CNGA1: variants seen among roughly 807,000 people sequenced by gnomAD.
CNGA1 encodes cyclic nucleotide gated channel subunit alpha 1.
In CNGA1, 53 loss-of-function variants were observed where a neutral mutation model predicts 69.7. That is an observed-to-expected ratio of 0.76 (90% CI 0.61 to 0.96). CNGA1 has a LOEUF of 0.96. Among genes scored for constraint, CNGA1 ranks in the 40% least tolerant of loss-of-function variants. The pLI is 0.00. For synonymous variants in CNGA1, 249 were observed against 283.5 expected, an observed-to-expected ratio of 0.88 and a Z score of 1.22; for missense variants, 739 against 811.2, an observed-to-expected ratio of 0.91 and a Z score of 1.08.
At chr4:47,969,820 C>T (rs1343703245) in intron 3 of CNGA1, among the ~76,000 whole-genome samples, 4 of 152,092 alleles carry the variant, frequency 2.6e-5, no homozygotes, top group African/African-American at 9.7e-5. Flanking sequence ...CTACCATCTT[C>T]CATCATTCCT....
At position 47,980,781 on chromosome 4, in the gene CNGA1, G is replaced by GT. The variant is rs200080616; in HGVS notation, c.-15+611dup. ...GAGCTACCAGGCCCAGCCAATAACT[G>GT]TTTTTTCTGATTAAAATATACACGC... On this transcript the variant is annotated intron_variant, in intron 3 of 10. Coordinates refer to ENST00000514170, the MANE Select transcript of CNGA1 (RefSeq NM_001379270.1). 8.9e-3 allele frequency among the ~76,000 whole-genome samples: 1,343 copies of GT among 151,718 alleles called. 13 individuals are homozygous for GT. The highest frequency in any genetic ancestry group is 0.014 in the Non-Finnish European group (928 of 67,876).
chr4:47,963,222 A>C (rs550915641), intron 3 of CNGA1, among the ~76,000 whole-genome samples: 1 of 152,250 alleles, frequency 6.6e-6, no homozygotes, highest in Non-Finnish European at 1.5e-5. Context: ...AAGTGTTGGA[A>C]TTACAGGCGT....
At position 47,936,214 on chromosome 4, in the gene CNGA1, G is replaced by A. The variant is rs1738628937; in HGVS notation, c.*207C>T. 2 of 606,106 alleles carry A rather than the reference G, an allele frequency of 3.3e-6. No individual in the cohort carries two copies. Among genetic ancestry groups the A allele is most frequent in the African/African-American group, 1.9e-5 (1 of 53,904 alleles). 37.5% of individuals were successfully genotyped at this position (606,106 alleles called of 1,614,324 possible). On this transcript the variant is annotated 3_prime_UTR_variant, in exon 11 of 11. Coordinates refer to ENST00000514170, the MANE Select transcript of CNGA1 (RefSeq NM_001379270.1). Reference sequence around the variant, plus strand: ...CAGTTTATATCTTTGCACATTATCAGTTGTGAAAAATCCCAAGATATAAAG... The same window carrying A: ...CAGTTTATATCTTTGCACATTATCAATTGTGAAAAATCCCAAGATATAAAG...
At chr4:47,989,750 A>C (rs1742163241) in intron 2 of CNGA1, among the ~76,000 whole-genome samples, 1 of 149,436 alleles carries the variant, frequency 6.7e-6, no homozygotes, top group African/African-American at 2.6e-5. Flanking sequence ...CCATTGCCCA[A>C]GCAGTATACA....
chr4:47,960,225 C>A (rs1740347466), intron 3 of CNGA1, among the ~76,000 whole-genome samples: 1 of 152,138 alleles, frequency 6.6e-6, no homozygotes, highest in Admixed American at 6.6e-5. Context: ...CTTTTTCACA[C>A]CTAGTACAAT....
chr4:47,963,499 G>T (rs1244690220), intron 3 of CNGA1, among the ~76,000 whole-genome samples: 2 of 152,150 alleles, frequency 1.3e-5, no homozygotes, highest in African/African-American at 4.8e-5. Flanking sequence ...TCCATTGTTG[G>T]ACAACTTTGT....
chr4:47,993,051 AG>A (rs1213534345), intron 2 of CNGA1, among the ~76,000 whole-genome samples: 1 of 152,120 alleles, frequency 6.6e-6, no homozygotes, highest in Non-Finnish European at 1.5e-5. Context: ...CAACTTGATC[AG>A]GGTGGATTAT....
At chr4:47,981,968 G>T (rs1002003121) in intron 2 of CNGA1, among the ~76,000 whole-genome samples, 3 of 152,090 alleles carry the variant, frequency 2.0e-5, no homozygotes, top group Non-Finnish European at 4.4e-5. Context: ...TCTTTTAATT[G>T]TCTATTTTAT....
rs531220177 is a variant in CNGA1, at chr4:47,936,325, A to G, written c.*96T>C. The G allele has an allele frequency of 1.9e-4, 273 of 1,412,592 alleles. 1 individual carries two copies. Among genetic ancestry groups the G allele is most frequent in the South Asian group, 1.4e-3 (119 of 84,934 alleles). 87.5% of individuals were successfully genotyped at this position (1,412,592 alleles called of 1,614,324 possible). ...ATTTTCCTCATGGAAAAATTTCCCA[A>G]CTGAGTCTTCCTCTTCTTTTAAATT... is the stretch of plus-strand genomic sequence containing the variant. On this transcript the variant is annotated 3_prime_UTR_variant, in exon 11 of 11. Transcript: ENST00000514170.
intron 2 of CNGA1, among the ~76,000 whole-genome samples, chr4:47,993,961 T>G (rs1742379644): frequency 6.6e-6 from 1 of 152,180 alleles, no homozygotes; most frequent in Non-Finnish European, 1.5e-5. Context: ...GAGCAGGTTA[T>G]TTAATTTCCA....
intron 2 of CNGA1, among the ~76,000 whole-genome samples, chr4:47,989,421 CA>C: frequency 6.6e-6 from 1 of 152,168 alleles, no homozygotes. Context: ...AAATTTTGAT[CA>C]CACACAATTC....
chr4:47,956,007 G>T (rs1156689388), intron 3 of CNGA1, among the ~76,000 whole-genome samples: 2 of 152,304 alleles, frequency 1.3e-5, no homozygotes, highest in Admixed American at 6.5e-5. Flanking sequence ...TGGTGAATTG[G>T]CCCACATAAC....
rs142903495 is a variant in CNGA1 at position 47,976,533 on chromosome 4, C to T, written c.-15+4860G>A. 6.1e-3 allele frequency among the ~76,000 whole-genome samples: 924 copies of T among 151,686 alleles called. 6 individuals are homozygous for T. Among genetic ancestry groups the T allele is most frequent in the Middle Eastern group, 0.031 (9 of 292 alleles). On this transcript the variant is annotated intron_variant, in intron 3 of 10. Coordinates refer to ENST00000514170, the MANE Select transcript of CNGA1 (RefSeq NM_001379270.1). ...ATATAAAAAGGCAGATACTTAGAAC[C>T]CAGCAAGGGAGGTTCCCTGGACTGT...
At chr4:47,968,957 G>A (rs1466759787) in intron 3 of CNGA1, among the ~76,000 whole-genome samples, 1 of 152,166 alleles carries the variant, frequency 6.6e-6, no homozygotes, top group African/African-American at 2.4e-5. Flanking sequence ...GTCTGTGAAA[G>A]TAAGAGTACT....
chr4:47,953,332 T>C (rs766269267), intron 3 of CNGA1, among the ~76,000 whole-genome samples: 12 of 152,218 alleles, frequency 7.9e-5, no homozygotes, highest in Non-Finnish European at 1.6e-4. Flanking sequence ...ATCCCAGTTT[T>C]GAAATACTCA....
At chr4:48,005,673 C>T (rs560688014) in intron 2 of CNGA1, among the ~76,000 whole-genome samples, 5 of 152,264 alleles carry the variant, frequency 3.3e-5, no homozygotes, top group East Asian at 1.9e-4. Flanking sequence ...TCTTTACTTA[C>T]CACAGGTCAG....
Position 47,937,273 on chromosome 4 carries a change from T to C in CNGA1, c.1209A>G (p.Arg403=). The stretch of plus-strand genomic sequence containing the variant: ...CATCAATTCTTGCTTGAAATTCTGC[T>C]CTGGCTGCATTCATGTTGGAAATCA... ...GSMISNMNAA[R]AEFQARIDAI... The change falls in exon 11 of 11, where the codon AGA becomes AGG. Residue 403 remains arginine (R), a synonymous_variant. Coordinates refer to ENST00000514170, the MANE Select transcript of CNGA1 (RefSeq NM_001379270.1). 6.2e-7 allele frequency: 1 copy of C among 1,614,036 alleles called. No individual in the cohort carries two copies. Among genetic ancestry groups the C allele is most frequent in the Non-Finnish European group, 8.5e-7 (1 of 1,180,044 alleles).
At chr4:47,990,213 C>T (rs1227905676) in intron 2 of CNGA1, among the ~76,000 whole-genome samples, 3 of 152,068 alleles carry the variant, frequency 2.0e-5, no homozygotes, top group East Asian at 1.9e-4. Context: ...CCTGTGGGGT[C>T]AGGCAGAATA....
At chr4:47,941,316 T>G in intron 9 of CNGA1, among the ~76,000 whole-genome samples, 1 of 151,970 alleles carries the variant, frequency 6.6e-6, no homozygotes, top group East Asian at 1.9e-4. Context: ...TACAAAAAAA[T>G]CTTTAAATAA....
Sources: allele counts gnomAD v4.1 joint callset (sites outside exome capture counted in the v4.1 genomes callset), GRCh38; gene constraint gnomAD v4.1.1; transcripts MANE v1.5; gene names NCBI Gene and HGNC (gene_info 2026-07-23, HGNC 2026-07-21).